The following CTNNBIP1 variants were observed in gnomAD, a reference collection of about 807,000 sequenced individuals.
CTNNBIP1 encodes the protein catenin beta interacting protein 1, also known as beta-catenin-interacting protein 1.
CTNNBIP1 carries 7 observed loss-of-function variants against 11.8 expected under a neutral mutation model. The observed-to-expected ratio is 0.60, with a 90% CI of 0.34 to 1.12. The LOEUF (loss-of-function observed/expected upper bound fraction) is 1.12. Among genes scored for constraint, CTNNBIP1 ranks in the 50% most tolerant of loss-of-function variants. CTNNBIP1 has a pLI of 0.03. For synonymous variants in CTNNBIP1, 58 were observed against 43.9 expected (o/e 1.32, Z -1.26); for missense variants, 101 against 113.4 (o/e 0.89, Z 0.50).
In CTNNBIP1 at chr1:9,902,604, G is replaced by T. The variant is rs915221073; in HGVS notation, c.-144+7491C>A. On this transcript the variant is annotated intron_variant, in intron 1 of 5. Coordinates refer to ENST00000377263, the MANE Select transcript of CTNNBIP1 (RefSeq NM_020248.3). The stretch of plus-strand genomic sequence containing the variant: ...CCACCTTAATGTCCACTCAGGGCAG[G>T]TAGCCACTGGGGCCAGTGTGCATCT... Among the ~76,000 whole-genome samples, 12 of 152,118 alleles carry T rather than the reference G, an allele frequency of 7.9e-5. No individual in the cohort carries two copies. The East Asian group carries it at 2.1e-3, about 27-fold the overall frequency.
chr1:9,871,108 G>T lies in CTNNBIP1; in HGVS notation c.187+79C>A. ...GGATCACCCATCAAAGAGGGCTGGA[G>T]CTACGCTTTCTAAGGGAACCACAAG... On this transcript the variant is annotated intron_variant, in intron 5 of 5. Coordinates refer to ENST00000377263, the MANE Select transcript of CTNNBIP1 (RefSeq NM_020248.3). This position sits in a 1 kb window ranked among gnomAD's most constrained non-coding sequence, Gnocchi z 5.2. 1.8e-6 allele frequency: 2 copies of T among 1,084,488 alleles called. No homozygotes were observed. The highest frequency in any genetic ancestry group is 2.7e-6 in the Non-Finnish European group (2 of 742,880). The allele number at this position is 1,084,488 out of a possible 1,614,324, so 67.2% of individuals were successfully genotyped here. A position where few individuals can be genotyped will look rare whatever the true frequency, so the allele number is the denominator to read the frequency against.
chr1:9,898,536 A>T (rs1220383), intron 1 of CTNNBIP1, among the ~76,000 whole-genome samples: 19,477 of 152,266 alleles, frequency 0.13, 1,318 homozygotes, highest in South Asian at 0.18. Flanking sequence ...AGGGAAAAAA[A>T]AAATAAAAAG....
At chr1:9,855,743 T>C (rs75649353) in intron 5 of CTNNBIP1, among the ~76,000 whole-genome samples, 9 of 150,078 alleles carry the variant, frequency 6.0e-5, no homozygotes, top group East Asian at 3.9e-4. Context: ...TTTTTTTTTT[T>C]CCTGGACAGG....
chr1:9,899,228 G>A (rs2101540565), intron 1 of CTNNBIP1, among the ~76,000 whole-genome samples: 1 of 152,186 alleles, frequency 6.6e-6, no homozygotes, highest in South Asian at 2.1e-4. Flanking sequence ...GGCCAAGGCA[G>A]GCAGATCACC....
intron 3 of CTNNBIP1, among the ~76,000 whole-genome samples, chr1:9,874,814 C>A (rs929806713): frequency 5.9e-5 from 9 of 152,226 alleles, no homozygotes; most frequent in African/African-American, 1.9e-4. Context: ...AAGTACCTAA[C>A]CCAGTCTCCC....
intron 1 of CTNNBIP1, among the ~76,000 whole-genome samples, chr1:9,887,681 A>C (rs1639213788): frequency 6.6e-6 from 1 of 151,658 alleles, no homozygotes; most frequent in Non-Finnish European, 1.5e-5. Flanking sequence ...CCAACCTGGC[A>C]AAAGAGCAAG....
At chr1:9,890,534 G>A (rs540625324) in intron 1 of CTNNBIP1, among the ~76,000 whole-genome samples, 1 of 152,342 alleles carries the variant, frequency 6.6e-6, no homozygotes, top group East Asian at 1.9e-4. Flanking sequence ...TCCAGCCACG[G>A]ATCTTCCTTT....
intron 1 of CTNNBIP1, among the ~76,000 whole-genome samples, chr1:9,901,447 G>A (rs1438799118): frequency 6.6e-6 from 1 of 152,196 alleles, no homozygotes; most frequent in Non-Finnish European, 1.5e-5. Context: ...ATCTTTGCAG[G>A]AAGCCTTGCT....
Position 9,910,229 on chromosome 1 carries a change from CAGCCTCCGCCTCCCGCTCCG to C in CTNNBIP1, c.-298_-279del, listed in dbSNP as rs1370635874. On this transcript the variant is annotated 5_prime_UTR_variant, in exon 1 of 6. Transcript: ENST00000377263. ...GTAGCAGCAGCAGGAGCGGCCGCCT[CAGCCTCCGCCTCCCGCTCCG>C]AGAGTCACCGCGGTGGGGAGGGAGG... 9.5e-5 allele frequency: 14 copies of C among 147,580 alleles called. No individual in the cohort carries two copies. The highest frequency in any genetic ancestry group is 3.2e-4 in the African/African-American group (13 of 41,122). 9.1% of individuals were successfully genotyped at this position (147,580 alleles called of 1,614,324 possible).
At position 9,871,166 on chromosome 1, in the gene CTNNBIP1, G is replaced by A; in HGVS notation, c.187+21C>T. On this transcript the variant is annotated intron_variant, in intron 5 of 5. Coordinates refer to ENST00000377263, the MANE Select transcript of CTNNBIP1 (RefSeq NM_020248.3). This position sits in a 1 kb window ranked among gnomAD's most constrained non-coding sequence, Gnocchi z 5.2. ...CCCTGGGACTTGTGCCACTGCCCCA[G>A]CCCCTCTGCCGCCAACTCACCCTGG... 6.5e-7 allele frequency: 1 copy of A among 1,545,254 alleles called. No homozygotes were observed. Among genetic ancestry groups the A allele is most frequent in the Non-Finnish European group, 8.7e-7 (1 of 1,143,298 alleles).
At chr1:9,886,377 C>T (rs1433440953) in intron 1 of CTNNBIP1, among the ~76,000 whole-genome samples, 1 of 142,582 alleles carries the variant, frequency 7.0e-6, no homozygotes. Context: ...AGCCCCCCTC[C>T]AGTTGTGACA....
rs1638867891 is a variant in CTNNBIP1 at position 9,871,818 on chromosome 1, T to C, written c.96+151A>G. On this transcript the variant is annotated intron_variant, in intron 4 of 5. Coordinates refer to ENST00000377263, the MANE Select transcript of CTNNBIP1 (RefSeq NM_020248.3). This position sits in a 1 kb window ranked among gnomAD's most constrained non-coding sequence, Gnocchi z 5.2. ...GTGCCTAGGGGGCCAGAAGCAGCCC[T>C]AGAGCCAAGCCACAGGCCCAGCGGC... 4 of 661,724 alleles carry C rather than the reference T, an allele frequency of 6.0e-6. No individual in the cohort carries two copies. In the African/African-American group the frequency reaches 7.2e-5, roughly 12 times the overall value. The allele number at this position is 661,724 out of a possible 1,614,324, so 41.0% of individuals were successfully genotyped here. A position where few individuals can be genotyped will look rare whatever the true frequency, so the allele number is the denominator to read the frequency against.
chr1:9,869,409 G>C (rs1486012987), intron 5 of CTNNBIP1, among the ~76,000 whole-genome samples: 1 of 152,106 alleles, frequency 6.6e-6, no homozygotes, highest in Non-Finnish European at 1.5e-5. Context: ...GTCTTGCTCT[G>C]CTGCCCAGGC....
intron 1 of CTNNBIP1, chr1:9,893,184 G>A (rs537268346): frequency 6.6e-6 from 1 of 152,256 alleles, no homozygotes; most frequent in Non-Finnish European, 1.5e-5. Context: ...CACAAACCCT[G>A]GAGGGTTTGT....
At chr1:9,887,162 A>T (rs944655850) in intron 1 of CTNNBIP1, among the ~76,000 whole-genome samples, 1 of 152,252 alleles carries the variant, frequency 6.6e-6, no homozygotes, top group Non-Finnish European at 1.5e-5. Flanking sequence ...CTACCGAAGA[A>T]TAATTACTGT....
intron 5 of CTNNBIP1, among the ~76,000 whole-genome samples, chr1:9,853,854 G>T (rs1252671860): frequency 1.3e-5 from 2 of 152,276 alleles, no homozygotes; most frequent in Admixed American, 6.5e-5. Context: ...GAGAACTACA[G>T]ATGAGTATCT....
Position 9,872,150 on chromosome 1 carries a change from A to T in CTNNBIP1, c.-24-62T>A. The stretch of plus-strand genomic sequence containing the variant: ...CAGGATGTGACATACTGGGACAATG[A>T]CACCTGCTAGTGACCCTCACTCCTC... On this transcript the variant is annotated intron_variant, in intron 3 of 5. Transcript: ENST00000377263. This position sits in a 1 kb window ranked among gnomAD's most constrained non-coding sequence, Gnocchi z 4.0. The T allele has an allele frequency of 2.0e-6, 2 of 1,005,952 alleles. No individual in the cohort carries two copies. The highest frequency in any genetic ancestry group is 2.7e-5 in the South Asian group (2 of 75,036). The allele number at this position is 1,005,952 out of a possible 1,614,324, so 62.3% of individuals were successfully genotyped here.
chr1:9,881,063 T>C (rs1196332125), intron 2 of CTNNBIP1, among the ~76,000 whole-genome samples: 1 of 152,002 alleles, frequency 6.6e-6, no homozygotes, highest in African/African-American at 2.4e-5. Context: ...AGAGAGAGGG[T>C]CTTGCTCTGT....
At chr1:9,886,076 T>C (rs1639182699) in intron 1 of CTNNBIP1, among the ~76,000 whole-genome samples, 1 of 151,206 alleles carries the variant, frequency 6.6e-6, no homozygotes. Context: ...GTATGGGGGA[T>C]GGGAGTAAAA....
Sources: gnomAD v4.1 joint callset for allele counts (sites outside exome capture counted in the v4.1 genomes callset) on GRCh38, gnomAD v4.1.1 for gene constraint, Gnocchi (gnomAD v3.1) non-coding constraint, MANE v1.5 for transcripts, NCBI Gene and HGNC (gene_info 2026-07-23, HGNC 2026-07-21) for gene names.